The following CTNNA3 variants were observed in gnomAD, a reference collection of about 807,000 sequenced individuals.
The protein encoded by CTNNA3 is catenin alpha-3.
Under a neutral mutation model 95.7 loss-of-function variants are expected in CTNNA3, and 76 were observed. That is an observed-to-expected ratio of 0.79 (90% confidence interval 0.66 to 0.96). The LOEUF (loss-of-function observed/expected upper bound fraction) is 0.96. CTNNA3 is among the 40% of genes least tolerant of loss of function. The pLI is 0.00. For synonymous variants in CTNNA3, 431 were observed against 374.4 expected, an observed-to-expected ratio of 1.15 and a Z score of -1.74; for missense variants, 1,191 against 1,089.8, an observed-to-expected ratio of 1.09 and a Z score of -1.31.
intron 7 of CTNNA3, among the ~76,000 whole-genome samples, chr10:67,039,082 T>G (rs1266433970): frequency 6.6e-6 from 1 of 152,036 alleles, no homozygotes; most frequent in South Asian, 2.1e-4. Context: ...TTTTTACAGT[T>G]TCTACCTGTC....
At chr10:66,681,705 T>C (rs925854964) in intron 9 of CTNNA3, among the ~76,000 whole-genome samples, 3 of 152,172 alleles carry the variant, frequency 2.0e-5, no homozygotes, top group African/African-American at 7.2e-5. Context: ...CTAAATAAGA[T>C]TGAATGTTTG....
At chr10:65,993,630 T>C (rs1206909691) in intron 15 of CTNNA3, among the ~76,000 whole-genome samples, 2 of 152,232 alleles carry the variant, frequency 1.3e-5, no homozygotes, top group African/African-American at 2.4e-5. Context: ...TCATTCTATA[T>C]GTCTTTACAA....
intron 7 of CTNNA3, among the ~76,000 whole-genome samples, chr10:67,049,085 A>T (rs1184258773): frequency 2.0e-5 from 3 of 151,534 alleles, no homozygotes; most frequent in Non-Finnish European, 4.4e-5. Flanking sequence ...GAAAAAAATG[A>T]CATTTATAAC....
chr10:67,075,313 A>G lies in CTNNA3; in HGVS notation c.1047+105004T>C, dbSNP rs143151365. Among the ~76,000 whole-genome samples, 286 of 152,298 alleles carry G rather than the reference A, an allele frequency of 1.9e-3. 1 individual carries two copies. The highest frequency in any genetic ancestry group is 6.4e-3 in the African/African-American group (268 of 41,578). On this transcript the variant is annotated intron_variant, in intron 7 of 17. Transcript: ENST00000433211. ...TCCATAAGTAGGTAAAGCAATGGTT[A>G]CATTTAAAACTGTATTAACAAGAAC...
At chr10:67,705,725 A>C (rs1365944212) in intron 1 of CTNNA3, among the ~76,000 whole-genome samples, 8 of 150,176 alleles carry the variant, frequency 5.3e-5, no homozygotes, top group East Asian at 2.0e-4. Flanking sequence ...ACATGTATAC[A>C]TATGTAACTA....
At chr10:66,993,882 T>C (rs973755043) in intron 7 of CTNNA3, among the ~76,000 whole-genome samples, 1 of 152,190 alleles carries the variant, frequency 6.6e-6, no homozygotes, top group East Asian at 1.9e-4. Flanking sequence ...GATTTATTCT[T>C]AGACAAATTT....
At chr10:66,460,508 G>C (rs1038452391) in intron 11 of CTNNA3, among the ~76,000 whole-genome samples, 2 of 152,098 alleles carry the variant, frequency 1.3e-5, no homozygotes, top group Non-Finnish European at 2.9e-5. Flanking sequence ...AGGGAACCAT[G>C]CTTGTTCTAG....
At chr10:67,330,983 A>T (rs186329533) in intron 5 of CTNNA3, among the ~76,000 whole-genome samples, 62 of 152,368 alleles carry the variant, frequency 4.1e-4, no homozygotes, top group African/African-American at 1.4e-3. Flanking sequence ...ACTTATAAAT[A>T]TTATGAAAAT....
chr10:67,485,259 C>CTAAACATTGGATA (rs1307707516), intron 5 of CTNNA3, among the ~76,000 whole-genome samples: 2 of 152,120 alleles, frequency 1.3e-5, no homozygotes, highest in African/African-American at 2.4e-5. Context: ...TAAGTGGGAG[C>CTAAACATTGGATA]TAAACATTGG....
intron 11 of CTNNA3, among the ~76,000 whole-genome samples, chr10:66,401,390 G>T (rs1034866055): frequency 6.6e-6 from 1 of 151,838 alleles, no homozygotes; most frequent in Non-Finnish European, 1.5e-5. Context: ...GCCATGGATG[G>T]TGGTGTGTCC....
At chr10:67,223,102 A>C (rs2132274179) in intron 5 of CTNNA3, among the ~76,000 whole-genome samples, 1 of 152,356 alleles carries the variant, frequency 6.6e-6, no homozygotes, top group South Asian at 2.1e-4. Flanking sequence ...AGATCAGTGA[A>C]CATAACAAAT....
intron 9 of CTNNA3, among the ~76,000 whole-genome samples, chr10:66,715,331 GTTAAAGA>G (rs1354085138): frequency 6.6e-6 from 1 of 151,984 alleles, no homozygotes. Flanking sequence ...TAGTTCACAA[GTTAAAGA>G]TTGTCATCCA....
chr10:66,362,891 G>A (rs2092686750), intron 12 of CTNNA3, among the ~76,000 whole-genome samples: 1 of 152,114 alleles, frequency 6.6e-6, no homozygotes, highest in African/African-American at 2.4e-5. Context: ...CTGTCATTAA[G>A]ATAACTATTA....
intron 3 of CTNNA3, among the ~76,000 whole-genome samples, chr10:67,574,500 C>A (rs1190808729): frequency 1.3e-5 from 2 of 151,960 alleles, no homozygotes; most frequent in Non-Finnish European, 2.9e-5. Flanking sequence ...CTTCCTCCCC[C>A]TTTACTTCTG....
intron 7 of CTNNA3, among the ~76,000 whole-genome samples, chr10:66,821,296 G>A (rs1225120945): frequency 6.6e-6 from 1 of 152,132 alleles, no homozygotes; most frequent in Non-Finnish European, 1.5e-5. Context: ...GGTATGGTAT[G>A]TCAAATTATT....
At chr10:66,265,203 G>A (rs1468510277) in intron 13 of CTNNA3, among the ~76,000 whole-genome samples, 1 of 152,066 alleles carries the variant, frequency 6.6e-6, no homozygotes, top group Admixed American at 6.6e-5. Flanking sequence ...TGGTTACTTG[G>A]TTGTGATAAC....
chr10:67,622,907 A>G (rs1018777281), intron 2 of CTNNA3, among the ~76,000 whole-genome samples: 1 of 152,218 alleles, frequency 6.6e-6, no homozygotes, highest in Non-Finnish European at 1.5e-5. Flanking sequence ...ACATCTTTAT[A>G]CTTATTAAGC....
In CTNNA3 at chr10:65,946,992, A is replaced by T. The variant is rs75803281; in HGVS notation, c.2400+19620T>A. Among the ~76,000 whole-genome samples the T allele has an allele frequency of 0.012, 1,865 of 152,268 alleles. 82 individuals are homozygous for T. The East Asian group carries it at 0.15, about 12-fold the overall frequency. On this transcript the variant is annotated intron_variant, in intron 17 of 17. Coordinates refer to ENST00000433211, the MANE Select transcript of CTNNA3 (RefSeq NM_013266.4). ...TGAAATCTCAGGGCTAAATGTCTCC[A>T]TTTGTATTAGGAACAAGTAGATTAA...
chr10:67,701,985 A>G (rs1400595769), intron 1 of CTNNA3, among the ~76,000 whole-genome samples: 50 of 152,302 alleles, frequency 3.3e-4, no homozygotes, highest in South Asian at 2.1e-3. Flanking sequence ...CTTAGTCTCT[A>G]ATAAAACAGA....
Sources: allele counts gnomAD v4.1 joint callset (sites outside exome capture counted in the v4.1 genomes callset), GRCh38; gene constraint gnomAD v4.1.1; transcripts MANE v1.5; gene names NCBI Gene and HGNC (gene_info 2026-07-23, HGNC 2026-07-21).